CTTNBP2: variants seen among roughly 807,000 people sequenced by gnomAD.
CTTNBP2 encodes the protein cortactin binding protein 2, also known as cortactin-binding protein 2.
A neutral mutation model predicts 156.9 loss-of-function variants in CTTNBP2; 108 were observed. The ratio of observed to expected loss-of-function variants is 0.69; its 90% CI spans 0.59 to 0.81. The LOEUF is 0.81. Ranked by LOEUF, CTTNBP2 falls within the 30% of genes least tolerant of loss-of-function variation. CTTNBP2 has a pLI of 0.00. For missense variants in CTTNBP2, 1,924 were observed against 2,035.4 expected (o/e 0.95, Z 1.05); for synonymous variants, 767 against 751.8 (o/e 1.02, Z -0.33).
At position 117,757,486 on chromosome 7, in the gene CTTNBP2, C is replaced by G. The variant is rs562560308; in HGVS notation, c.3268+389G>C. On this transcript the variant is annotated intron_variant, in intron 11 of 22. Transcript: ENST00000160373. ...TAGCAGGTGCTCACTAAACATTAGC[C>G]TGTACCATCGTGATCATCGTATTAA... Among the ~76,000 whole-genome samples the G allele has an allele frequency of 6.8e-5, 10 of 147,774 alleles. No homozygotes were observed. In the South Asian group the frequency reaches 2.1e-3, roughly 32 times the overall value.
intron 1 of CTTNBP2, chr7:117,871,870 A>C (rs1411568403): frequency 1.1e-6 from 1 of 916,846 alleles, no homozygotes; most frequent in South Asian, 5.2e-5. Flanking sequence ...ACACACACAC[A>C]CACACCCTCT....
intron 12 of CTTNBP2, among the ~76,000 whole-genome samples, chr7:117,746,730 G>C (rs1475219637): frequency 6.6e-6 from 1 of 152,118 alleles, no homozygotes; most frequent in African/African-American, 2.4e-5. Flanking sequence ...ATGTTTTGAT[G>C]AGTATAAAAC....
At chr7:117,840,020 C>T (rs761216567) in intron 2 of CTTNBP2, among the ~76,000 whole-genome samples, 5 of 152,144 alleles carry the variant, frequency 3.3e-5, no homozygotes, top group Non-Finnish European at 5.9e-5. Flanking sequence ...TAAATACATA[C>T]ACACGTTTAT....
chr7:117,760,840 A>G, intron 9 of CTTNBP2, 130 bp from the exon 10 acceptor site: 7 of 666,278 alleles, frequency 1.1e-5, no homozygotes, highest in Non-Finnish European at 1.7e-5. Flanking sequence ...TTCATTAAAT[A>G]ACATTACATT....
intron 1 of CTTNBP2, among the ~76,000 whole-genome samples, chr7:117,868,486 G>C (rs1005390627): frequency 1.3e-5 from 2 of 152,188 alleles, no homozygotes; most frequent in African/African-American, 4.8e-5. Context: ...TATTTAAAGA[G>C]AGTATCTCCC....
At position 117,725,277 on chromosome 7, in the gene CTTNBP2, T is replaced by C; in HGVS notation, c.4056-20A>G. The C allele has an allele frequency of 6.2e-7, 1 of 1,607,136 alleles. No individual in the cohort carries two copies. Among genetic ancestry groups the C allele is most frequent in the Non-Finnish European group, 8.5e-7 (1 of 1,173,662 alleles). Reference sequence around the variant, plus strand: ...ATCCACCTAGCAGGAGAGGGACCGATTCATCCCTTAGGAGCAGGCTTCTCA... The same window carrying C: ...ATCCACCTAGCAGGAGAGGGACCGACTCATCCCTTAGGAGCAGGCTTCTCA... On this transcript the variant is annotated intron_variant, in intron 17 of 22. Coordinates refer to ENST00000160373, the MANE Select transcript of CTTNBP2 (RefSeq NM_033427.3).
At chr7:117,767,549 G>A (rs1252459885) in intron 8 of CTTNBP2, among the ~76,000 whole-genome samples, 1 of 152,172 alleles carries the variant, frequency 6.6e-6, no homozygotes, top group East Asian at 1.9e-4. Flanking sequence ...AAAGACTTTT[G>A]CTATAACGGG....
At chr7:117,731,947 G>C (rs1411623239) in intron 16 of CTTNBP2, among the ~76,000 whole-genome samples, 4 of 152,164 alleles carry the variant, frequency 2.6e-5, no homozygotes, top group Non-Finnish European at 5.9e-5. Flanking sequence ...ACATATATGT[G>C]TATATAGTCC....
At chr7:117,872,035 C>A (rs947647591) in intron 1 of CTTNBP2, 8 of 876,928 alleles carry the variant, frequency 9.1e-6, no homozygotes, top group Non-Finnish European at 1.1e-5. Flanking sequence ...CGTTTGAAAT[C>A]TTAAAGTTCT....
intron 12 of CTTNBP2, among the ~76,000 whole-genome samples, chr7:117,756,346 T>A (rs928635085): frequency 2.0e-5 from 3 of 151,876 alleles, no homozygotes; most frequent in Non-Finnish European, 4.4e-5. Flanking sequence ...GGTCTCTGGA[T>A]CCAGGCAATA....
At chr7:117,854,356 T>C (rs1803120536) in intron 2 of CTTNBP2, among the ~76,000 whole-genome samples, 3 of 152,190 alleles carry the variant, frequency 2.0e-5, no homozygotes, top group African/African-American at 7.2e-5. Flanking sequence ...CTGAAACCAA[T>C]AAAAAGCCAG....
At chr7:117,718,375 GA>G (rs960876388) in intron 21 of CTTNBP2, among the ~76,000 whole-genome samples, 12 of 151,508 alleles carry the variant, frequency 7.9e-5, no homozygotes, top group African/African-American at 1.9e-4. Context: ...ACTCTCTAGG[GA>G]AAAAAAAGGC....
At chr7:117,737,586 T>C (rs985713369) in intron 14 of CTTNBP2, among the ~76,000 whole-genome samples, 4 of 152,286 alleles carry the variant, frequency 2.6e-5, no homozygotes, top group African/African-American at 9.6e-5. Context: ...TTTTATTTAT[T>C]TTTTGGAGAT....
Position 117,788,901 on chromosome 7 carries a change from A to C in CTTNBP2, c.2068+2227T>G, listed in dbSNP as rs933835975. Among the ~76,000 whole-genome samples the C allele has an allele frequency of 2.6e-5, 4 of 152,244 alleles. No homozygotes were observed. In the East Asian group the frequency reaches 7.7e-4, roughly 29 times the overall value. ...AATTCAGAAGTTCTGAGAGGAATAAATAAATAAAATACTTTGGTAAAATTG... is the reference window on the plus strand; with the variant it reads ...AATTCAGAAGTTCTGAGAGGAATAACTAAATAAAATACTTTGGTAAAATTG... On this transcript the variant is annotated intron_variant, in intron 4 of 22. Coordinates refer to ENST00000160373, the MANE Select transcript of CTTNBP2 (RefSeq NM_033427.3).
At position 117,721,292 on chromosome 7, in the gene CTTNBP2, T is replaced by C. The variant is rs71567348; in HGVS notation, c.4448-162A>G. Among the ~76,000 whole-genome samples, 943 of 152,328 alleles carry C rather than the reference T, an allele frequency of 6.2e-3. 13 individuals carry two copies. The highest frequency in any genetic ancestry group is 0.02 in the Middle Eastern group (6 of 294). ...TTCCCCAGGACAGAGGCTCTGGGCATAGCCTCCTGCAGAGGCACTGTGGGA... is the reference window on the plus strand; with the variant it reads ...TTCCCCAGGACAGAGGCTCTGGGCACAGCCTCCTGCAGAGGCACTGTGGGA... On this transcript the variant is annotated intron_variant, in intron 19 of 22. Coordinates refer to ENST00000160373, the MANE Select transcript of CTTNBP2 (RefSeq NM_033427.3).
At chr7:117,852,968 C>T (rs1037804604) in intron 2 of CTTNBP2, among the ~76,000 whole-genome samples, 2 of 152,114 alleles carry the variant, frequency 1.3e-5, no homozygotes, top group Non-Finnish European at 2.9e-5. Context: ...ATTAGCTTTA[C>T]TTTCTCTGTT....
chr7:117,835,103 T>C (rs569368360), intron 2 of CTTNBP2, among the ~76,000 whole-genome samples: 9 of 152,334 alleles, frequency 5.9e-5, no homozygotes, highest in African/African-American at 2.2e-4. Flanking sequence ...CCTGAGCAGC[T>C]CAGCTGCCAC....
At position 117,873,357 on chromosome 7, in the gene CTTNBP2, G is replaced by A; in HGVS notation, c.59C>T (p.Ala20Val). Residue 20 changes from alanine (A) to valine (V), a missense_variant, in exon 1 of 23, where the codon GCG becomes GTG. Coordinates refer to ENST00000160373, the MANE Select transcript of CTTNBP2 (RefSeq NM_033427.3). ...PDLSRAPEDA[A>V]GAAAEAAKKE... ...TACCGCCGCCTCCGCCGCGGCCCCC[G>A]CCGCGTCCTCCGGGGCCCGGGACAA... 4 of 1,462,392 alleles carry A rather than the reference G, an allele frequency of 2.7e-6. No individual in the cohort carries two copies. The highest frequency in any genetic ancestry group is 3.6e-6 in the Non-Finnish European group (4 of 1,111,826). The allele number at this position is 1,462,392 out of a possible 1,614,324, so 90.6% of individuals were successfully genotyped here. A position where few individuals can be genotyped will look rare whatever the true frequency, so the allele number is the denominator to read the frequency against.
intron 12 of CTTNBP2, among the ~76,000 whole-genome samples, chr7:117,751,865 G>A (rs1251867138): frequency 6.6e-6 from 1 of 152,110 alleles, no homozygotes; most frequent in Non-Finnish European, 1.5e-5. Context: ...AAGTTTTTCT[G>A]CTTTAGACCT....
Sources: gnomAD v4.1 joint callset for allele counts (sites outside exome capture counted in the v4.1 genomes callset) on GRCh38, gnomAD v4.1.1 for gene constraint, MANE v1.5 for transcripts, NCBI Gene and HGNC (gene_info 2026-07-23, HGNC 2026-07-21) for gene names.